The following LRRC4C variants were observed in gnomAD, a reference collection of about 807,000 sequenced individuals.
LRRC4C encodes the protein leucine rich repeat containing 4C, also known as leucine-rich repeat-containing protein 4C.
Under a neutral mutation model 33.6 loss-of-function variants are expected in LRRC4C, and 5 were observed. That is an observed-to-expected ratio of 0.15 (90% CI 0.08 to 0.31). The LOEUF (loss-of-function observed/expected upper bound fraction) is 0.31. Among genes scored for constraint, LRRC4C ranks in the 10% least tolerant of loss-of-function variants. The pLI, the probability that LRRC4C is intolerant of heterozygous loss-of-function variation, is 1.00. For missense variants in LRRC4C, 560 were observed against 796.7 expected, an observed-to-expected ratio of 0.70 and a Z score of 3.58; for synonymous variants, 329 against 302.0, an observed-to-expected ratio of 1.09 and a Z score of -0.93.
In LRRC4C at chr11:40,341,258, T is replaced by G. The variant is rs2137010423; in HGVS notation, c.-269-21537A>C. On this transcript the variant is annotated intron_variant, in intron 3 of 6. Coordinates refer to ENST00000528697, the MANE Select transcript of LRRC4C (RefSeq NM_001258419.2). The stretch of plus-strand genomic sequence containing the variant: ...CCTTACAAAGGACATGAACTCATCA[T>G]TTTTTTATGGCTGCATAGTATTCCA... Among the ~76,000 whole-genome samples the G allele has an allele frequency of 3.4e-5, 5 of 148,716 alleles. 1 individual carries two copies. In the Middle Eastern group the frequency reaches 0.01, roughly 310 times the overall value.
chr11:40,857,520 G>A (rs1953850207), intron 2 of LRRC4C, among the ~76,000 whole-genome samples: 1 of 152,174 alleles, frequency 6.6e-6, no homozygotes, highest in Non-Finnish European at 1.5e-5. Flanking sequence ...CTGAGGGAAA[G>A]ATGACTTCAG....
intron 1 of LRRC4C, among the ~76,000 whole-genome samples, chr11:41,046,041 T>C (rs1857755557): frequency 6.6e-6 from 1 of 152,180 alleles, no homozygotes; most frequent in African/African-American, 2.4e-5. Context: ...AAGAAATTTA[T>C]TTTGCTTTAT....
chr11:41,184,547 T>C (rs960985917), intron 1 of LRRC4C, among the ~76,000 whole-genome samples: 1 of 152,132 alleles, frequency 6.6e-6, no homozygotes, highest in Non-Finnish European at 1.5e-5. Context: ...GAGACCACCT[T>C]AGCCTGGACA....
chr11:40,175,183 C>T (rs1245872180), intron 5 of LRRC4C, among the ~76,000 whole-genome samples: 1 of 152,180 alleles, frequency 6.6e-6, no homozygotes, highest in Non-Finnish European at 1.5e-5. Context: ...TTGTGTTAAC[C>T]TTACCTGATG....
intron 1 of LRRC4C, among the ~76,000 whole-genome samples, chr11:41,276,838 G>A (rs920143674): frequency 5.9e-5 from 9 of 152,128 alleles, no homozygotes; most frequent in Non-Finnish European, 1.2e-4. Context: ...AACGCAGGCA[G>A]CCACTGGAAG....
At chr11:40,910,405 G>A (rs1265116286) in intron 2 of LRRC4C, among the ~76,000 whole-genome samples, 1 of 152,152 alleles carries the variant, frequency 6.6e-6, no homozygotes, top group Admixed American at 6.5e-5. Flanking sequence ...ATTATCATCT[G>A]GTTATGGAAA....
intron 6 of LRRC4C, among the ~76,000 whole-genome samples, chr11:40,117,717 G>A (rs1855535504): frequency 6.6e-6 from 1 of 151,610 alleles, no homozygotes; most frequent in African/African-American, 2.4e-5. Context: ...AGGGGAGGGG[G>A]GCCAGTGGGA....
chr11:40,436,710 C>T (rs1287608722), intron 3 of LRRC4C, among the ~76,000 whole-genome samples: 4 of 152,116 alleles, frequency 2.6e-5, no homozygotes, highest in East Asian at 1.9e-4. Context: ...AGAAGCGGCC[C>T]GAAACGTAAC....
At chr11:41,132,267 G>GA (rs1007355027) in intron 1 of LRRC4C, among the ~76,000 whole-genome samples, 1 of 151,942 alleles carries the variant, frequency 6.6e-6, no homozygotes, top group Non-Finnish European at 1.5e-5. Context: ...GGAGAAAAAG[G>GA]AAAAAATGGT....
At chr11:40,846,054 G>C (rs1442628007) in intron 2 of LRRC4C, among the ~76,000 whole-genome samples, 4 of 145,606 alleles carry the variant, frequency 2.7e-5, no homozygotes, top group Non-Finnish European at 4.5e-5. Context: ...ATTTGTTTGA[G>C]TTCCTTGTGG....
intron 2 of LRRC4C, among the ~76,000 whole-genome samples, chr11:40,803,996 A>G (rs1951148422): frequency 6.6e-6 from 1 of 152,224 alleles, no homozygotes. Context: ...TTGTACTATC[A>G]AATACTTGGT....
intron 3 of LRRC4C, among the ~76,000 whole-genome samples, chr11:40,565,557 T>C (rs1367321431): frequency 6.6e-6 from 1 of 152,180 alleles, no homozygotes; most frequent in Non-Finnish European, 1.5e-5. Context: ...CAGTGTAATG[T>C]AGTCAGGGCT....
chr11:40,526,224 G>A (rs941835046), intron 3 of LRRC4C, among the ~76,000 whole-genome samples: 2 of 152,078 alleles, frequency 1.3e-5, no homozygotes, highest in Non-Finnish European at 1.5e-5. Context: ...GCATAAAAAC[G>A]TGATAAATCA....
chr11:41,066,653 G>A (rs1490333608), intron 1 of LRRC4C, among the ~76,000 whole-genome samples: 1 of 152,086 alleles, frequency 6.6e-6, no homozygotes, highest in Non-Finnish European at 1.5e-5. Flanking sequence ...AATGTTAATG[G>A]CAGCCAGAGA....
Position 41,450,231 on chromosome 11 carries a change from C to T in LRRC4C, c.-496+9200G>A, listed in dbSNP as rs1032725424. 6.6e-5 allele frequency among the ~76,000 whole-genome samples: 10 copies of T among 152,104 alleles called. No individual in the cohort carries two copies. The South Asian group carries it at 1.9e-3, about 28-fold the overall frequency. On this transcript the variant is annotated intron_variant, in intron 1 of 6. Transcript: ENST00000528697. ...GACCATCTGTACAAGGCACTGGCACCCCTTCCAGAAAATAGAAGAGAAACT... is the reference window on the plus strand; with the variant it reads ...GACCATCTGTACAAGGCACTGGCACTCCTTCCAGAAAATAGAAGAGAAACT...
At position 40,967,328 on chromosome 11, in the gene LRRC4C, G is replaced by A. The variant is rs542543850; in HGVS notation, c.-495-33605C>T. On this transcript the variant is annotated intron_variant, in intron 1 of 6. Coordinates refer to ENST00000528697, the MANE Select transcript of LRRC4C (RefSeq NM_001258419.2). ...ATAGTAGGCTTGAAAATAGGGGATA[G>A]GATTCTGAAAGCATAAACACTTCCC... 1.1e-4 allele frequency among the ~76,000 whole-genome samples: 17 copies of A among 151,982 alleles called. No individual in the cohort carries two copies. The South Asian group carries it at 3.3e-3, about 30-fold the overall frequency.
chr11:41,122,648 T>C (rs1160292832), intron 1 of LRRC4C, among the ~76,000 whole-genome samples: 1 of 151,928 alleles, frequency 6.6e-6, no homozygotes, highest in East Asian at 1.9e-4. Context: ...AAATATGGCA[T>C]GATCAAATAA....
chr11:40,412,193 T>C (rs919579091), intron 3 of LRRC4C, among the ~76,000 whole-genome samples: 5 of 152,042 alleles, frequency 3.3e-5, no homozygotes, highest in Non-Finnish European at 7.4e-5. Context: ...GTCATAATTT[T>C]GTCTTAAAAA....
At chr11:40,446,734 C>T (rs7944530) in intron 3 of LRRC4C, 54,486 of 151,876 alleles carry the variant, frequency 0.36, 10,300 homozygotes, top group East Asian at 0.52. Flanking sequence ...CAGGTTCCTT[C>T]CTTACAAGCA....
Sources: gnomAD v4.1 joint callset for allele counts (sites outside exome capture counted in the v4.1 genomes callset) on GRCh38, gnomAD v4.1.1 for gene constraint, MANE v1.5 for transcripts, NCBI Gene and HGNC (gene_info 2026-07-23, HGNC 2026-07-21) for gene names.